The following RNPS1 variants were observed in gnomAD, a reference collection of about 807,000 sequenced individuals.
RNPS1 encodes the protein RNA binding protein with serine rich domain 1.
For missense variants in RNPS1, 300 were observed against 427.6 expected (o/e 0.70, Z 2.63); for synonymous variants, 147 against 150.0 (o/e 0.98, Z 0.15).
In RNPS1 at chr16:2,255,732, G is replaced by GA; in HGVS notation, c.677-7dup. On this transcript the variant is annotated splice_polypyrimidine_tract_variant and splice_region_variant and intron_variant, in intron 6 of 7. Coordinates refer to ENST00000320225, the MANE Select transcript of RNPS1 (RefSeq NM_080594.4). ...CTCCTGGCCATCAATTTGTCCTGTT[G>GA]AAAAAGACAGCAAGTCATAAAATAT... 6.2e-7 allele frequency: 1 copy of GA among 1,613,472 alleles called. No individual in the cohort carries two copies. Among genetic ancestry groups the GA allele is most frequent in the Non-Finnish European group, 8.5e-7 (1 of 1,179,854 alleles).
rs193207987 is a variant in RNPS1, at chr16:2,253,420, G to A, written c.*544C>T. The A allele has an allele frequency of 4.5e-4, 81 of 178,184 alleles. No homozygotes were observed. The highest frequency in any genetic ancestry group is 7.8e-4 in the Non-Finnish European group (66 of 84,352). 11.0% of individuals were successfully genotyped at this position (178,184 alleles called of 1,614,324 possible). A position where few individuals can be genotyped will look rare whatever the true frequency, so the allele number is the denominator to read the frequency against. ...AGTGGTGGGGTGCGGTGTGTGCATC[G>A]GTGCACGGACAGACAGAACCACGAG... On this transcript the variant is annotated 3_prime_UTR_variant, in exon 8 of 8. Transcript: ENST00000320225.
In RNPS1 at chr16:2,264,247, C is replaced by G. The variant is rs200919742; in HGVS notation, c.156G>C (p.Ser52=). ...TGTCCCGGCCGCGATCCTTCTCACT[C>G]GACTCCTTGGTGGCCCCTTTATCTT... is the stretch of plus-strand genomic sequence containing the variant. ...RSKDKGATKE[S]SEKDRGRDKT... is the part of the protein sequence containing the mutation. Residue 52 remains serine (S), a synonymous_variant, in exon 3 of 8, where the codon TCG becomes TCC. Transcript: ENST00000320225. 6.8e-6 allele frequency: 11 copies of G among 1,614,070 alleles called. No individual in the cohort carries two copies. In the African/African-American group the frequency reaches 1.5e-4, roughly 22 times the overall value.
chr16:2,265,639 C>G (rs1567329356), intron 1 of RNPS1: 2 of 152,250 alleles, frequency 1.3e-5, no homozygotes, highest in East Asian at 1.9e-4. Flanking sequence ...TGCACGCCAC[C>G]AGGCCTAGCT....
At chr16:2,258,361 T>C (rs933607373) in intron 6 of RNPS1, 5 of 152,230 alleles carry the variant, frequency 3.3e-5, no homozygotes, top group Admixed American at 1.3e-4. Context: ...AGAATAGTGT[T>C]CCTTTAAACT....
chr16:2,254,515 T>C (rs1189464565), intron 7 of RNPS1, among the ~76,000 whole-genome samples: 1 of 152,068 alleles, frequency 6.6e-6, no homozygotes, highest in Non-Finnish European at 1.5e-5. Flanking sequence ...GCCAGGATGG[T>C]CTCGATCTCC....
At chr16:2,254,747 T>TC (rs2093569681) in intron 7 of RNPS1, among the ~76,000 whole-genome samples, 1 of 147,224 alleles carries the variant, frequency 6.8e-6, no homozygotes, top group African/African-American at 2.5e-5. Context: ...TACCTTTTTT[T>TC]TTTTTTTTTT....
rs1007129907 is a variant in RNPS1, at chr16:2,255,496, C to T, written c.818+89G>A. 1.9e-5 allele frequency: 28 copies of T among 1,441,380 alleles called. No individual in the cohort carries two copies. In the South Asian group the frequency reaches 3.7e-4, roughly 19 times the overall value. 89.3% of individuals were successfully genotyped at this position (1,441,380 alleles called of 1,614,324 possible). ...TGCCAGCCCGCACAGCAGTGGAAGG[C>T]AGGCAGGGCTGAATAAAGGGTCTGA... On this transcript the variant is annotated intron_variant, in intron 7 of 7. Coordinates refer to ENST00000320225, the MANE Select transcript of RNPS1 (RefSeq NM_080594.4).
At chr16:2,267,070 C>T (rs2093627918) in intron 1 of RNPS1, 3 of 625,724 alleles carry the variant, frequency 4.8e-6, no homozygotes, top group Non-Finnish European at 6.0e-6. Flanking sequence ...TCAAACACCA[C>T]CAGTTATTCT....
intron 7 of RNPS1, among the ~76,000 whole-genome samples, 189 bp downstream of exon 7, chr16:2,255,396 G>A (rs2093573421): frequency 6.6e-6 from 1 of 152,238 alleles, no homozygotes; most frequent in Non-Finnish European, 1.5e-5. Flanking sequence ...CAACTCTAGG[G>A]CGTCTCCTGC....
intron 6 of RNPS1, 89 bp downstream of exon 6, chr16:2,262,189 A>AG: frequency 2.2e-6 from 3 of 1,336,032 alleles, no homozygotes; most frequent in Non-Finnish European, 3.1e-6. Flanking sequence ...ACAAACAAAA[A>AG]GAAGTGCAGC....
intron 6 of RNPS1, among the ~76,000 whole-genome samples, chr16:2,259,404 TTG>T (rs2093592818): frequency 6.6e-6 from 1 of 152,246 alleles, no homozygotes; most frequent in African/African-American, 2.4e-5. Context: ...ATTTCGTCAA[TTG>T]TGTCTTTAAC....
intron 7 of RNPS1, among the ~76,000 whole-genome samples, chr16:2,255,270 C>T (rs1013007817): frequency 6.6e-6 from 1 of 152,248 alleles, no homozygotes; most frequent in Non-Finnish European, 1.5e-5. Context: ...TCTCCCTCTC[C>T]TAGCTCTTCT....
chr16:2,255,792 A>G, intron 6 of RNPS1, 66 bp from the exon 7 acceptor site: 31 of 1,511,972 alleles, frequency 2.1e-5, no homozygotes, highest in Non-Finnish European at 2.8e-5. Context: ...TGCATGCCAC[A>G]GTGAAAGACA....
At chr16:2,263,365 T>C in intron 3 of RNPS1, 78 bp from the exon 4 acceptor site, 1 of 1,455,228 alleles carries the variant, frequency 6.9e-7, no homozygotes, top group Non-Finnish European at 9.5e-7. Context: ...TCTGTTGTGC[T>C]CCCCCCAGGA....
At chr16:2,266,216 T>C (rs2093624508) in intron 1 of RNPS1, 1 of 985,302 alleles carries the variant, frequency 1.0e-6, no homozygotes, top group South Asian at 4.7e-5. Context: ...GAAAATACGT[T>C]CTGACCCAAG....
chr16:2,265,166 T>C (rs1002282928), intron 1 of RNPS1: 2 of 153,114 alleles, frequency 1.3e-5, no homozygotes, highest in Non-Finnish European at 2.9e-5. Flanking sequence ...ATCTCCTGTT[T>C]TATTGCAATT....
At chr16:2,260,453 C>T (rs536327335) in intron 6 of RNPS1, among the ~76,000 whole-genome samples, 3 of 151,972 alleles carry the variant, frequency 2.0e-5, no homozygotes, top group Admixed American at 6.6e-5. Context: ...TAGTTATTTG[C>T]GTAAGTGCAA....
chr16:2,253,986 G>C lies in RNPS1; in HGVS notation c.896C>G (p.Ser299Cys). 2 of 1,549,136 alleles carry C rather than the reference G, an allele frequency of 1.3e-6. No individual in the cohort carries two copies. Among genetic ancestry groups the C allele is most frequent in the Non-Finnish European group, 1.7e-6 (2 of 1,145,422 alleles). ...SPGRRRHRSR[S>C]SSNSSR ...TGTTTATCGGGAGGAGTTGGAGCTGGAGCGGCTCCTGTGGCGGCGGCGGCC... is the reference window on the plus strand; with the variant it reads ...TGTTTATCGGGAGGAGTTGGAGCTGCAGCGGCTCCTGTGGCGGCGGCGGCC... The change falls in exon 8 of 8, where the codon TCC becomes TGC. Residue 299 changes from serine (S) to cysteine (C), a missense_variant. Coordinates refer to ENST00000320225, the MANE Select transcript of RNPS1 (RefSeq NM_080594.4).
Position 2,254,018 on chromosome 16 carries a change from C to A in RNPS1, c.864G>T (p.Arg288=), listed in dbSNP as rs1417853150. 1 of 1,522,752 alleles carries A rather than the reference C, an allele frequency of 6.6e-7. No homozygotes were observed. Among genetic ancestry groups the A allele is most frequent in the East Asian group, 2.5e-5 (1 of 40,492 alleles). 94.3% of individuals were successfully genotyped at this position (1,522,752 alleles called of 1,614,324 possible). A position where few individuals can be genotyped will look rare whatever the true frequency, so the allele number is the denominator to read the frequency against. The change falls in exon 8 of 8, where the codon CGG becomes CGT. Residue 288 remains arginine, a synonymous_variant. Coordinates refer to ENST00000320225, the MANE Select transcript of RNPS1 (RefSeq NM_080594.4). ...RRRSPVRRRS[R]SPGRRRHRSR... ...TCCTGTGGCGGCGGCGGCCCGGGGA[C>A]CGTGATCTCCGGCGCACGGGGGACC...
Sources: gnomAD v4.1 joint callset for allele counts (sites outside exome capture counted in the v4.1 genomes callset) on GRCh38, gnomAD v4.1.1 for gene constraint, MANE v1.5 for transcripts, NCBI Gene and HGNC (gene_info 2026-07-23, HGNC 2026-07-21) for gene names.